COX10: variants seen among roughly 807,000 people sequenced by gnomAD.
COX10 encodes protoheme IX farnesyltransferase, mitochondrial.
Under a neutral mutation model 37.3 loss-of-function variants are expected in COX10, and 27 were observed. The observed-to-expected ratio is 0.72, with a 90% CI of 0.53 to 1.00. The LOEUF (loss-of-function observed/expected upper bound fraction) is 1.00, where lower values mean the gene tolerates loss of function less well. Ranked by LOEUF, COX10 falls within the 50% of genes least tolerant of loss-of-function variation. The pLI is 0.00. For synonymous variants in COX10, 222 were observed against 229.1 expected, an observed-to-expected ratio of 0.97 and a Z score of 0.28; for missense variants, 475 against 563.2, an observed-to-expected ratio of 0.84 and a Z score of 1.59.
At chr17:14,109,811 C>T (rs1178327656) in intron 4 of COX10, among the ~76,000 whole-genome samples, 2 of 152,096 alleles carry the variant, frequency 1.3e-5, no homozygotes, top group African/African-American at 2.4e-5. Context: ...GATGTATCTA[C>T]CTCTAACGAC....
intron 4 of COX10, among the ~76,000 whole-genome samples, chr17:14,142,438 T>C (rs996562832): frequency 1.3e-5 from 2 of 152,222 alleles, no homozygotes; most frequent in Non-Finnish European, 2.9e-5. Flanking sequence ...TGCATAATTA[T>C]GCTAATAAAA....
chr17:14,143,063 A>G (rs553091111), intron 4 of COX10, among the ~76,000 whole-genome samples: 3 of 152,296 alleles, frequency 2.0e-5, no homozygotes, highest in African/African-American at 7.2e-5. Flanking sequence ...CATTAGATAT[A>G]AAGGCATTGC....
intron 5 of COX10, among the ~76,000 whole-genome samples, chr17:14,169,973 A>T (rs1200494285): frequency 6.6e-6 from 1 of 152,180 alleles, no homozygotes; most frequent in Non-Finnish European, 1.5e-5. Flanking sequence ...GGAATGGGTT[A>T]GTCTCTGAGA....
chr17:14,197,877 C>A (rs1906415082), intron 6 of COX10, among the ~76,000 whole-genome samples: 1 of 152,292 alleles, frequency 6.6e-6, no homozygotes, highest in African/African-American at 2.4e-5. Flanking sequence ...TTTTACAAAG[C>A]CCTCTGTCTA....
intron 5 of COX10, among the ~76,000 whole-genome samples, chr17:14,180,169 C>G (rs1335982528): frequency 6.6e-6 from 1 of 151,414 alleles, no homozygotes; most frequent in Non-Finnish European, 1.5e-5. Context: ...CAGACGGGTA[C>G]CCAGCCAGGC....
intron 3 of COX10, among the ~76,000 whole-genome samples, chr17:14,098,685 C>T (rs985459822): frequency 6.6e-6 from 1 of 152,054 alleles, no homozygotes; most frequent in South Asian, 2.1e-4. Context: ...TGTTCGTTCC[C>T]CATTGGCACA....
At chr17:14,111,448 A>T (rs1916005167) in intron 4 of COX10, among the ~76,000 whole-genome samples, 1 of 152,102 alleles carries the variant, frequency 6.6e-6, no homozygotes, top group Admixed American at 6.6e-5. Flanking sequence ...ATTTATGTAT[A>T]CTTGTAATCT....
At chr17:14,074,214 A>C in intron 1 of COX10, 109 bp from the exon 2 acceptor site, 3 of 1,135,162 alleles carry the variant, frequency 2.6e-6, no homozygotes, top group East Asian at 4.7e-5. Context: ...CCCATCACAC[A>C]GTGTAGCGCT....
intron 4 of COX10, among the ~76,000 whole-genome samples, chr17:14,153,694 G>C (rs1030039449): frequency 1.3e-5 from 2 of 152,194 alleles, no homozygotes; most frequent in Non-Finnish European, 2.9e-5. Flanking sequence ...GAAATAGTTT[G>C]ACAGTTTCCT....
chr17:14,094,082 T>C (rs1056807228), intron 3 of COX10, among the ~76,000 whole-genome samples: 10 of 152,112 alleles, frequency 6.6e-5, no homozygotes, highest in African/African-American at 1.9e-4. Context: ...GAGCCAAATA[T>C]TAGACATAAA....
At chr17:14,116,437 A>G (rs1193982869) in intron 4 of COX10, among the ~76,000 whole-genome samples, 2 of 152,174 alleles carry the variant, frequency 1.3e-5, no homozygotes, top group African/African-American at 2.4e-5. Context: ...TGCCCTCTCA[A>G]CAGCTCCGCT....
intron 6 of COX10, among the ~76,000 whole-genome samples, chr17:14,206,213 A>C (rs778447663): frequency 6.6e-6 from 1 of 152,098 alleles, no homozygotes; most frequent in Non-Finnish European, 1.5e-5. Flanking sequence ...GTGCTGAGCC[A>C]GGAGCACTGA....
At position 14,191,987 on chromosome 17, in the gene COX10, AGCC is replaced by A; in HGVS notation, c.696-1_697del. On this transcript the variant is annotated splice_acceptor_variant and coding_sequence_variant, in exon 6 of 7. Coordinates refer to ENST00000261643, the MANE Select transcript of COX10 (RefSeq NM_001303.4). LOFTEE classifies it high-confidence loss of function. ...ACTCCAGGTTCTCTGCTCTTTTTCC[AGCC>A]CATTGCTAGCTGTGTCCTTTGCCAC... 1 of 1,613,928 alleles carries A rather than the reference AGCC, an allele frequency of 6.2e-7. No homozygotes were observed. The highest frequency in any genetic ancestry group is 8.5e-7 in the Non-Finnish European group (1 of 1,179,852).
intron 4 of COX10, among the ~76,000 whole-genome samples, chr17:14,134,483 C>T (rs1002786796): frequency 1.3e-5 from 2 of 151,648 alleles, no homozygotes; most frequent in African/African-American, 2.4e-5. Context: ...AAAGCATCCG[C>T]CTTTGTCAGA....
At chr17:14,089,284 T>C (rs1915475515) in intron 3 of COX10, among the ~76,000 whole-genome samples, 1 of 152,212 alleles carries the variant, frequency 6.6e-6, no homozygotes, top group Admixed American at 6.5e-5. Flanking sequence ...ACCACATATG[T>C]GTGCTTTAAA....
intron 4 of COX10, among the ~76,000 whole-genome samples, chr17:14,130,837 AAATAGTC>A (rs1321184212): frequency 6.6e-6 from 1 of 151,856 alleles, no homozygotes; most frequent in East Asian, 1.9e-4. Flanking sequence ...CTTCTTCACT[AAATAGTC>A]TCGTCATCTC....
chr17:14,156,097 G>A (rs1905034715), intron 4 of COX10, among the ~76,000 whole-genome samples: 1 of 152,158 alleles, frequency 6.6e-6, no homozygotes, highest in African/African-American at 2.4e-5. Context: ...TACATTCTGT[G>A]TGCCAGGCAT....
chr17:14,183,396 C>CT (rs1220919308), intron 5 of COX10, among the ~76,000 whole-genome samples: 1 of 152,012 alleles, frequency 6.6e-6, no homozygotes, highest in African/African-American at 2.4e-5. Flanking sequence ...AAAATTAGAA[C>CT]TTTTTTTACA....
intron 3 of COX10, among the ~76,000 whole-genome samples, chr17:14,091,311 CT>C (rs1915521591): frequency 2.6e-5 from 4 of 152,272 alleles, no homozygotes; most frequent in African/African-American, 9.6e-5. Context: ...AAAGACTTTG[CT>C]TTGTCCTGTT....
Sources: gnomAD v4.1 joint callset for allele counts (sites outside exome capture counted in the v4.1 genomes callset) on GRCh38, gnomAD v4.1.1 for gene constraint, MANE v1.5 for transcripts, NCBI Gene and HGNC (gene_info 2026-07-23, HGNC 2026-07-21) for gene names.